Variants in NOX4 observed in about 807,000 individuals in gnomAD.
NOX4 encodes kidney oxidase-1.
A neutral mutation model predicts 87.6 loss-of-function variants in NOX4; 69 were observed. The observed-to-expected ratio is 0.79, with a 90% CI of 0.65 to 0.96. The LOEUF (loss-of-function observed/expected upper bound fraction) is 0.96, where lower values mean the gene tolerates loss of function less well. NOX4 is among the 40% of genes least tolerant of loss of function. The probability of loss-of-function intolerance (pLI) is 0.00; values close to 1 mark genes in which losing one functional copy is unlikely to be tolerated. For synonymous variants in NOX4, 275 were observed against 238.2 expected (o/e 1.15, Z -1.42); for missense variants, 680 against 681.5 (o/e 1.00, Z 0.02).
chr11:89,438,270 T>C (rs1479759912), intron 6 of NOX4, among the ~76,000 whole-genome samples: 1 of 135,928 alleles, frequency 7.4e-6, no homozygotes, highest in Admixed American at 8.4e-5. Flanking sequence ...ATATAATATA[T>C]AATAATATAT....
intron 17 of NOX4, among the ~76,000 whole-genome samples, chr11:89,331,595 G>A (rs1000025044): frequency 1.3e-5 from 2 of 151,712 alleles, no homozygotes; most frequent in Non-Finnish European, 2.9e-5. Flanking sequence ...TTCTGTCAAC[G>A]CCATATGATG....
chr11:89,352,749 T>C (rs1308828990), intron 13 of NOX4, among the ~76,000 whole-genome samples: 1 of 152,198 alleles, frequency 6.6e-6, no homozygotes. Flanking sequence ...ATAATGTTAA[T>C]AAATGAAAAG....
chr11:89,338,566 G>A (rs545788941), intron 15 of NOX4, among the ~76,000 whole-genome samples: 22 of 152,028 alleles, frequency 1.4e-4, no homozygotes, highest in African/African-American at 4.3e-4. Flanking sequence ...GAGGACTTAC[G>A]TAATCCACCT....
chr11:89,578,923 T>C, the NOX4 span, among the ~76,000 whole-genome samples: 2 of 152,156 alleles, frequency 1.3e-5, no homozygotes, highest in Admixed American at 6.6e-5. Context: ...CTTCAATGGG[T>C]GAATGGATAA....
intron 17 of NOX4, among the ~76,000 whole-genome samples, chr11:89,330,862 A>C (rs1945439394): frequency 6.6e-6 from 1 of 152,052 alleles, no homozygotes; most frequent in African/African-American, 2.4e-5. Context: ...GCAAACACTG[A>C]TGGAACTGTA....
intron 17 of NOX4, among the ~76,000 whole-genome samples, chr11:89,327,108 T>G (rs958682127): frequency 6.6e-6 from 1 of 152,222 alleles, no homozygotes; most frequent in Non-Finnish European, 1.5e-5. Flanking sequence ...AATGTACCTA[T>G]GAGCACAAAT....
intron 11 of NOX4, among the ~76,000 whole-genome samples, chr11:89,388,956 C>G (rs1280026047): frequency 6.6e-6 from 1 of 152,130 alleles, no homozygotes; most frequent in Non-Finnish European, 1.5e-5. Flanking sequence ...CTATCATTAA[C>G]TGCACTTTTA....
rs1945188202 is a variant in NOX4 at position 89,325,517 on chromosome 11, A to T, written c.*1239T>A. 6.6e-6 allele frequency: 1 copy of T among 152,150 alleles called. No homozygotes were observed. The highest frequency in any genetic ancestry group is 6.6e-5 in the Admixed American group (1 of 15,266). 9.4% of individuals were successfully genotyped at this position (152,150 alleles called of 1,614,324 possible). A position where few individuals can be genotyped will look rare whatever the true frequency, so the allele number is the denominator to read the frequency against. Reference sequence around the variant, plus strand: ...ATCACACAGTGTAGTTCCAACGGTGACTTTAAACCCAATAGTTCCCTATGG... The same window carrying T: ...ATCACACAGTGTAGTTCCAACGGTGTCTTTAAACCCAATAGTTCCCTATGG... On this transcript the variant is annotated 3_prime_UTR_variant, in exon 18 of 18. Coordinates refer to ENST00000263317, the MANE Select transcript of NOX4 (RefSeq NM_016931.5).
At chr11:89,525,072 C>T in the NOX4 span, among the ~76,000 whole-genome samples, 1 of 151,992 alleles carries the variant, frequency 6.6e-6, no homozygotes. Context: ...GAATATAATG[C>T]ATGATTAAAA....
chr11:89,527,825 A>AGGTGT, the NOX4 span, among the ~76,000 whole-genome samples: 4 of 152,054 alleles, frequency 2.6e-5, no homozygotes, highest in African/African-American at 9.7e-5. Flanking sequence ...AGGGAAAGGG[A>AGGTGT]GGGTAAGAGC....
intron 7 of NOX4, among the ~76,000 whole-genome samples, chr11:89,423,738 G>T (rs1943214759): frequency 6.6e-6 from 1 of 151,586 alleles, no homozygotes; most frequent in African/African-American, 2.4e-5. Context: ...TGTTGAAATT[G>T]CAACACTCCT....
upstream of NOX4, among the ~76,000 whole-genome samples, chr11:89,494,034 C>T (rs903930109): frequency 6.6e-6 from 1 of 152,076 alleles, no homozygotes; most frequent in Non-Finnish European, 1.5e-5. Flanking sequence ...GGATTACAGG[C>T]GTGAGCCACC....
intron 17 of NOX4, among the ~76,000 whole-genome samples, chr11:89,335,027 A>G (rs1945640953): frequency 6.6e-6 from 1 of 151,754 alleles, no homozygotes; most frequent in Admixed American, 6.6e-5. Flanking sequence ...ATTCCAGTGG[A>G]TATGTTTAAA....
At chr11:89,330,400 C>A (rs1945419671) in intron 17 of NOX4, among the ~76,000 whole-genome samples, 1 of 151,866 alleles carries the variant, frequency 6.6e-6, no homozygotes, top group Non-Finnish European at 1.5e-5. Context: ...CTGTGATAAG[C>A]TAATGATGTA....
chr11:89,382,621 T>A (rs1380171452), intron 11 of NOX4, among the ~76,000 whole-genome samples: 11 of 151,800 alleles, frequency 7.2e-5, no homozygotes, highest in Non-Finnish European at 1.2e-4. Context: ...ATCTGACTTC[T>A]CCCCTCCTCC....
chr11:89,384,822 T>C (rs1565221989), intron 11 of NOX4, among the ~76,000 whole-genome samples: 1 of 152,124 alleles, frequency 6.6e-6, no homozygotes, highest in African/African-American at 2.4e-5. Context: ...TTGACCTTAC[T>C]GTTTTAGGCT....
At chr11:89,388,850 T>C (rs1300492210) in intron 11 of NOX4, among the ~76,000 whole-genome samples, 1 of 152,124 alleles carries the variant, frequency 6.6e-6, no homozygotes, top group Non-Finnish European at 1.5e-5. Flanking sequence ...CATAACTAAA[T>C]CCACTTATGG....
the NOX4 span, among the ~76,000 whole-genome samples, chr11:89,519,148 T>G: frequency 6.6e-6 from 1 of 152,102 alleles, no homozygotes; most frequent in African/African-American, 2.4e-5. Context: ...AGAAAAATTC[T>G]AAACCATGTG....
At chr11:89,557,569 T>A in the NOX4 span, among the ~76,000 whole-genome samples, 1 of 152,160 alleles carries the variant, frequency 6.6e-6, no homozygotes, top group Non-Finnish European at 1.5e-5. Context: ...CATAAACAAC[T>A]GCCAGGTACT....
Sources: gnomAD v4.1 joint callset for allele counts (sites outside exome capture counted in the v4.1 genomes callset) on GRCh38, gnomAD v4.1.1 for gene constraint, MANE v1.5 for transcripts, NCBI Gene and HGNC (gene_info 2026-07-23, HGNC 2026-07-21) for gene names.